KIFC3: variants seen among roughly 807,000 people sequenced by gnomAD.
The protein encoded by KIFC3 is kinesin family member C3, also known as kinesin-like protein KIFC3.
Under a neutral mutation model 101.8 loss-of-function variants are expected in KIFC3, and 60 were observed. The ratio of observed to expected loss-of-function variants is 0.59; its 90% CI spans 0.48 to 0.73. KIFC3 has a LOEUF of 0.73. Among genes scored for constraint, KIFC3 ranks in the 30% least tolerant of loss-of-function variants. KIFC3 has a pLI of 0.00. For missense variants in KIFC3, 966 were observed against 1,137.1 expected (o/e 0.85, Z 2.16); for synonymous variants, 476 against 482.7 (o/e 0.99, Z 0.18).
chr16:57,809,866 A>G (rs1057063536), intron 1 of KIFC3, among the ~76,000 whole-genome samples: 1 of 152,184 alleles, frequency 6.6e-6, no homozygotes, highest in Non-Finnish European at 1.5e-5. Flanking sequence ...GGCATGAGGC[A>G]TATATAAAGA....
At position 57,761,412 on chromosome 16, in the gene KIFC3, C is replaced by T; in HGVS notation, c.1872+1G>A. ...GTGGTCAGGGGCTCCCGCCTCCACA[C>T]CTTGTTGATGTCGTCCACGCTCTGC... On this transcript the variant is annotated splice_donor_variant, in intron 14 of 19. Transcript: ENST00000445690. LOFTEE classifies it high-confidence loss of function. The T allele has an allele frequency of 6.2e-7, 1 of 1,614,012 alleles. No individual in the cohort carries two copies.
chr16:57,795,209 C>T (rs782048340), intron 2 of KIFC3, 68 bp from the exon 3 acceptor site: 4 of 1,547,924 alleles, frequency 2.6e-6, no homozygotes, highest in Non-Finnish European at 3.5e-6. Flanking sequence ...CCATGGACCA[C>T]TGGCCAGGGC....
intron 2 of KIFC3, among the ~76,000 whole-genome samples, chr16:57,797,441 T>C (rs2054420619): frequency 1.3e-5 from 2 of 152,194 alleles, no homozygotes; most frequent in African/African-American, 4.8e-5. Context: ...TTCTTGACTT[T>C]CGCAGCACCG....
intron 1 of KIFC3, among the ~76,000 whole-genome samples, chr16:57,812,044 CTCTTT>C (rs1225347962): frequency 6.8e-6 from 1 of 148,082 alleles, no homozygotes; most frequent in Admixed American, 6.7e-5. Context: ...CCCCGTCTCT[CTCTTT>C]TTTTTTTTTT....
intron 1 of KIFC3, chr16:57,815,592 G>C (rs781987215): frequency 1.6e-6 from 2 of 1,289,936 alleles, no homozygotes; most frequent in South Asian, 2.5e-5. Flanking sequence ...GGGAGGCTGG[G>C]GGTGCCCCCA....
chr16:57,786,730 TAG>T (rs1436651022), intron 3 of KIFC3, among the ~76,000 whole-genome samples: 2 of 152,140 alleles, frequency 1.3e-5, no homozygotes, highest in African/African-American at 4.8e-5. Context: ...GGGGGGATCT[TAG>T]ACTCTGGGAA....
At chr16:57,850,728 G>A (rs1207569027) in intron 1 of KIFC3, among the ~76,000 whole-genome samples, 9 of 151,714 alleles carry the variant, frequency 5.9e-5, no homozygotes, top group African/African-American at 1.9e-4. Context: ...CACCCGCCTC[G>A]GCCTCCCAAA....
chr16:57,834,648 A>G (rs2055650575), intron 1 of KIFC3, among the ~76,000 whole-genome samples: 1 of 152,094 alleles, frequency 6.6e-6, no homozygotes, highest in Admixed American at 6.6e-5. Flanking sequence ...AATAGCTAGG[A>G]TTATAGGCAC....
At chr16:57,793,102 C>CATGGTGAA (rs2054013001) in intron 3 of KIFC3, among the ~76,000 whole-genome samples, 1 of 150,268 alleles carries the variant, frequency 6.7e-6, no homozygotes. Context: ...GCCTGGCCAA[C>CATGGTGAA]ATGGTGAAAC....
intron 3 of KIFC3, among the ~76,000 whole-genome samples, chr16:57,784,962 A>G (rs1555616792): frequency 6.6e-6 from 1 of 152,222 alleles, no homozygotes; most frequent in Non-Finnish European, 1.5e-5. Flanking sequence ...CCAGAGGTTG[A>G]GAGATCCCTT....
At chr16:57,819,482 A>G (rs2055306241) in intron 1 of KIFC3, among the ~76,000 whole-genome samples, 1 of 152,190 alleles carries the variant, frequency 6.6e-6, no homozygotes, top group African/African-American at 2.4e-5. Flanking sequence ...CAGCCAGAGA[A>G]GTCTTAACAT....
intron 1 of KIFC3, among the ~76,000 whole-genome samples, chr16:57,849,461 G>A (rs751260304): frequency 1.6e-4 from 25 of 152,162 alleles, no homozygotes; most frequent in Non-Finnish European, 3.1e-4. Flanking sequence ...CCCTTATTAA[G>A]TGCTCTGTGG....
At chr16:57,839,167 T>C (rs1411607395) in intron 1 of KIFC3, among the ~76,000 whole-genome samples, 2 of 152,108 alleles carry the variant, frequency 1.3e-5, no homozygotes, top group African/African-American at 4.8e-5. Flanking sequence ...CACTTCAGCC[T>C]GAGTGACAGA....
intron 1 of KIFC3, among the ~76,000 whole-genome samples, chr16:57,860,693 T>A (rs2056284825): frequency 6.6e-6 from 1 of 151,800 alleles, no homozygotes; most frequent in Non-Finnish European, 1.5e-5. Context: ...AGAGGAGGAA[T>A]GCCCCTACTT....
At chr16:57,841,052 C>G (rs1291087544) in intron 1 of KIFC3, among the ~76,000 whole-genome samples, 1 of 152,246 alleles carries the variant, frequency 6.6e-6, no homozygotes, top group African/African-American at 2.4e-5. Flanking sequence ...ATTTGCACAC[C>G]TACTCTGGAC....
intron 1 of KIFC3, among the ~76,000 whole-genome samples, chr16:57,827,008 G>A (rs372342807): frequency 3.7e-4 from 57 of 152,280 alleles, no homozygotes; most frequent in Non-Finnish European, 1.2e-4. Context: ...TGCTAGGAAG[G>A]CTCTGCAACT....
At chr16:57,831,213 G>C (rs574801553) in intron 1 of KIFC3, among the ~76,000 whole-genome samples, 1 of 152,324 alleles carries the variant, frequency 6.6e-6, no homozygotes, top group Non-Finnish European at 1.5e-5. Context: ...CTCAGCGCTA[G>C]AGTGAGAACC....
At chr16:57,785,648 C>A (rs1555617393) in intron 3 of KIFC3, 1 of 1,251,132 alleles carries the variant, frequency 8.0e-7, no homozygotes, top group South Asian at 1.3e-5. Context: ...GCACCTCCTG[C>A]TGCCAAAGAG....
chr16:57,838,827 T>C (rs556876916), intron 1 of KIFC3, among the ~76,000 whole-genome samples: 1 of 152,174 alleles, frequency 6.6e-6, no homozygotes, highest in South Asian at 2.1e-4. Flanking sequence ...CCCATAAAAA[T>C]CTGTGGCGTC....
Sources: allele counts gnomAD v4.1 joint callset (sites outside exome capture counted in the v4.1 genomes callset), GRCh38; gene constraint gnomAD v4.1.1; transcripts MANE v1.5; gene names NCBI Gene and HGNC (gene_info 2026-07-23, HGNC 2026-07-21).